The following ARID5B variants were observed in gnomAD, a reference collection of about 807,000 sequenced individuals.
ARID5B encodes the protein AT-rich interactive domain-containing protein 5B.
In ARID5B, 13 loss-of-function variants were observed where a neutral mutation model predicts 97.2. The ratio of observed to expected loss-of-function variants is 0.13; its 90% CI spans 0.09 to 0.21. The LOEUF (loss-of-function observed/expected upper bound fraction) is 0.21. Ranked by LOEUF, ARID5B falls within the 10% of genes least tolerant of loss-of-function variation. ARID5B has a pLI of 1.00. For synonymous variants in ARID5B, 556 were observed against 570.3 expected, an observed-to-expected ratio of 0.97 and a Z score of 0.36; for missense variants, 1,210 against 1,465.3, an observed-to-expected ratio of 0.83 and a Z score of 2.84.
chr10:61,953,110 G>GT (rs1838345861), intron 3 of ARID5B, among the ~76,000 whole-genome samples: 1 of 151,994 alleles, frequency 6.6e-6, no homozygotes, highest in Non-Finnish European at 1.5e-5. Context: ...CAATCACACC[G>GT]TTTTAATCTT....
At chr10:61,987,200 C>T (rs569663584) in intron 3 of ARID5B, among the ~76,000 whole-genome samples, 1 of 152,250 alleles carries the variant, frequency 6.6e-6, no homozygotes, top group African/African-American at 2.4e-5. Context: ...CCAGCCAGCC[C>T]ATGAGGGAGC....
chr10:61,948,379 A>ATTTTTTT (rs1838271246), intron 3 of ARID5B, among the ~76,000 whole-genome samples: 2 of 49,310 alleles, frequency 4.1e-5, no homozygotes, highest in African/African-American at 9.1e-5. Context: ...CACTTTAGGT[A>ATTTTTTT]ATTTTTTTTT....
chr10:62,092,633 C>T lies in ARID5B; in HGVS notation c.3170C>T (p.Ala1057Val), dbSNP rs1300866874. The T allele has an allele frequency of 1.2e-6, 2 of 1,614,140 alleles. No individual in the cohort carries two copies. Among genetic ancestry groups the T allele is most frequent in the Non-Finnish European group, 1.7e-6 (2 of 1,180,012 alleles). Residue 1057 changes from alanine (A) to valine (V), a missense_variant, in exon 10 of 10, where the codon GCG (alanine) becomes GTG (valine). Coordinates refer to ENST00000279873, the MANE Select transcript of ARID5B (RefSeq NM_032199.3). ...SEQESEGSKA[A>V]HGGHSGGGSE... The stretch of plus-strand genomic sequence containing the variant: ...CAGGAGAGTGAAGGCAGCAAAGCAG[C>T]GCACGGTGGGCATTCCGGGGGCGGA...
intron 4 of ARID5B, among the ~76,000 whole-genome samples, chr10:62,001,281 C>T (rs1839076941): frequency 6.6e-6 from 1 of 152,166 alleles, no homozygotes; most frequent in Non-Finnish European, 1.5e-5. Flanking sequence ...ACCACTCTCA[C>T]CCTACCCCTT....
chr10:61,968,334 A>G (rs1838576945), intron 3 of ARID5B, among the ~76,000 whole-genome samples: 1 of 151,636 alleles, frequency 6.6e-6, no homozygotes, highest in South Asian at 2.1e-4. Context: ...TAATCCTATT[A>G]ATGGGCTACA....
intron 3 of ARID5B, among the ~76,000 whole-genome samples, chr10:61,997,952 A>T (rs1453403429): frequency 3.3e-5 from 5 of 152,204 alleles, no homozygotes; most frequent in African/African-American, 4.8e-5. Flanking sequence ...GCCTTGGGAC[A>T]TATATCAGCA....
At chr10:61,917,078 A>G (rs1843920098) in intron 2 of ARID5B, among the ~76,000 whole-genome samples, 1 of 151,716 alleles carries the variant, frequency 6.6e-6, no homozygotes, top group African/African-American at 2.4e-5. Context: ...AGCGGGGAGG[A>G]TCACTTGAAC....
At chr10:61,969,660 C>A (rs1838597224) in intron 3 of ARID5B, among the ~76,000 whole-genome samples, 1 of 152,150 alleles carries the variant, frequency 6.6e-6, no homozygotes, top group Admixed American at 6.5e-5. Context: ...ATCTCTAGAC[C>A]TGCCATGAGT....
At position 62,010,256 on chromosome 10, in the gene ARID5B, C is replaced by T. The variant is rs12248595; in HGVS notation, c.733+9935C>T. Among the ~76,000 whole-genome samples the T allele has an allele frequency of 1.3e-3, 195 of 152,306 alleles. 2 individuals are homozygous for T. Among genetic ancestry groups the T allele is most frequent in the African/African-American group, 4.5e-3 (185 of 41,558 alleles). ...CTTGGTTTCCTGGCTGCTTAATGGG[C>T]TGCTTCTAGGCTAAAAGAGTCACTT... is the stretch of plus-strand genomic sequence containing the variant. On this transcript the variant is annotated intron_variant, in intron 4 of 9. Transcript: ENST00000279873.
chr10:61,982,253 G>A (rs982707631), intron 3 of ARID5B, among the ~76,000 whole-genome samples: 3 of 152,126 alleles, frequency 2.0e-5, no homozygotes, highest in Admixed American at 6.5e-5. Flanking sequence ...AATTAAGAGG[G>A]CTGTTATTTC....
chr10:62,025,453 A>G (rs1416665762), intron 4 of ARID5B: 2 of 152,170 alleles, frequency 1.3e-5, no homozygotes, highest in Non-Finnish European at 2.9e-5. Flanking sequence ...CTTTCTGGAA[A>G]GGTGATCTGG....
At position 62,049,536 on chromosome 10, in the gene ARID5B, T is replaced by C. The variant is rs905157522; in HGVS notation, c.734-1352T>C. ...TTTTGTTTGTGAGCTTGTTTACCTT[T>C]GGTAATTCCAGGCTGGCTTTCTGGG... On this transcript the variant is annotated intron_variant, in intron 4 of 9. Coordinates refer to ENST00000279873, the MANE Select transcript of ARID5B (RefSeq NM_032199.3). 26 of 1,549,848 alleles carry C rather than the reference T, an allele frequency of 1.7e-5. No homozygotes were observed. In the African/African-American group the frequency reaches 3.2e-4, roughly 19 times the overall value.
intron 2 of ARID5B, among the ~76,000 whole-genome samples, chr10:61,906,830 T>C (rs915137237): frequency 6.6e-6 from 1 of 152,230 alleles, no homozygotes; most frequent in Non-Finnish European, 1.5e-5. Context: ...CTTGGGCAAG[T>C]TCTAAACTCT....
At chr10:62,076,178 T>C (rs533092112) in intron 8 of ARID5B, among the ~76,000 whole-genome samples, 1 of 148,618 alleles carries the variant, frequency 6.7e-6, no homozygotes, top group South Asian at 2.2e-4. Context: ...GAAGATGCCA[T>C]GATCCTTGGT....
chr10:62,029,986 AAG>A (rs1417139335), intron 4 of ARID5B, among the ~76,000 whole-genome samples: 1 of 152,202 alleles, frequency 6.6e-6, no homozygotes, highest in Admixed American at 6.5e-5. Context: ...GGGTCAGAGA[AAG>A]AGATGATCGC....
intron 2 of ARID5B, among the ~76,000 whole-genome samples, chr10:61,928,827 GT>G: frequency 6.6e-6 from 1 of 152,288 alleles, no homozygotes; most frequent in Middle Eastern, 3.4e-3. Flanking sequence ...TATCTGTAGT[GT>G]GAAACCTTTT....
chr10:62,053,617 T>C (rs1488520460), intron 5 of ARID5B, among the ~76,000 whole-genome samples: 1 of 152,202 alleles, frequency 6.6e-6, no homozygotes, highest in Non-Finnish European at 1.5e-5. Flanking sequence ...GAGTGATCTA[T>C]AACAGAAATC....
At chr10:61,981,847 A>G (rs1838781273) in intron 3 of ARID5B, among the ~76,000 whole-genome samples, 1 of 152,158 alleles carries the variant, frequency 6.6e-6, no homozygotes, top group African/African-American at 2.4e-5. Flanking sequence ...GCAGAAAAGA[A>G]ACACCTCACC....
At chr10:62,010,656 C>T (rs776389836) in intron 4 of ARID5B, among the ~76,000 whole-genome samples, 2 of 152,150 alleles carry the variant, frequency 1.3e-5, no homozygotes, top group South Asian at 2.1e-4. Context: ...AGACATTGTT[C>T]GTAATCTGGT....
Sources: allele counts gnomAD v4.1 joint callset (sites outside exome capture counted in the v4.1 genomes callset), GRCh38; gene constraint gnomAD v4.1.1; transcripts MANE v1.5; gene names NCBI Gene and HGNC (gene_info 2026-07-23, HGNC 2026-07-21).